The following PPP4R3A variants were observed in gnomAD, a reference collection of about 807,000 sequenced individuals.
PPP4R3A encodes serine/threonine-protein phosphatase 4 regulatory subunit 3A.
In PPP4R3A, 15 loss-of-function variants were observed where a neutral mutation model predicts 91.7. That is an observed-to-expected ratio of 0.16 (90% CI 0.11 to 0.25). The LOEUF (loss-of-function observed/expected upper bound fraction) is 0.25, where lower values mean the gene tolerates loss of function less well. PPP4R3A is among the 10% of genes least tolerant of loss of function. The probability of loss-of-function intolerance (pLI) is 1.00; values close to 1 mark genes in which losing one functional copy is unlikely to be tolerated. For synonymous variants in PPP4R3A, 377 were observed against 348.7 expected (o/e 1.08, Z -0.91); for missense variants, 623 against 998.4 (o/e 0.62, Z 5.07).
intron 1 of PPP4R3A, among the ~76,000 whole-genome samples, chr14:91,493,773 C>CTT (rs71120151): frequency 2.5e-5 from 3 of 119,842 alleles, no homozygotes; most frequent in Non-Finnish European, 5.2e-5. Flanking sequence ...ATCAATATTA[C>CTT]TTTTTTTTTT....
At chr14:91,506,021 C>T (rs1891271314) in intron 1 of PPP4R3A, among the ~76,000 whole-genome samples, 1 of 151,968 alleles carries the variant, frequency 6.6e-6, no homozygotes, top group African/African-American at 2.4e-5. Context: ...TCTTGGCTCA[C>T]TGCAAGCTCC....
At chr14:91,483,123 G>GT in intron 3 of PPP4R3A, among the ~76,000 whole-genome samples, 1 of 152,006 alleles carries the variant, frequency 6.6e-6, no homozygotes, top group Admixed American at 6.5e-5. Flanking sequence ...ATTTTTTTTG[G>GT]TAACAAAAGG....
chr14:91,462,824 C>T lies in PPP4R3A; in HGVS notation c.1884G>A (p.Leu628=). The change falls in exon 12 of 15, where the codon CTG becomes CTA. Residue 628 remains leucine, a synonymous_variant. Transcript: ENST00000554943. ...ATGTCTGTACATAATCTACATCTTC[C>T]AGTGCTTTCCAGTAATTTTCAATTA... ...AHVIENYWKA[L]EDVDYVQTFK... is the part of the protein sequence containing the mutation. 6.2e-7 allele frequency: 1 copy of T among 1,608,040 alleles called. No homozygotes were observed. The highest frequency in any genetic ancestry group is 8.5e-7 in the Non-Finnish European group (1 of 1,174,930).
intron 1 of PPP4R3A, among the ~76,000 whole-genome samples, chr14:91,505,201 C>G (rs1891214074): frequency 6.6e-6 from 1 of 152,012 alleles, no homozygotes; most frequent in Non-Finnish European, 1.5e-5. Flanking sequence ...GCCTGTAATC[C>G]CAGCACTTTG....
At chr14:91,490,013 C>G (rs890553547) in intron 2 of PPP4R3A, among the ~76,000 whole-genome samples, 1 of 149,300 alleles carries the variant, frequency 6.7e-6, no homozygotes, top group African/African-American at 2.5e-5. Context: ...TATGAACAAG[C>G]TGGTAATCTT....
At chr14:91,469,652 T>A (rs933145715) in intron 10 of PPP4R3A, among the ~76,000 whole-genome samples, 5 of 152,234 alleles carry the variant, frequency 3.3e-5, no homozygotes, top group Non-Finnish European at 5.9e-5. Flanking sequence ...CACCGCGATA[T>A]CTGCCTCCCA....
chr14:91,477,472 TAC>T (rs1422075164), intron 4 of PPP4R3A, among the ~76,000 whole-genome samples: 1 of 152,204 alleles, frequency 6.6e-6, no homozygotes, highest in Non-Finnish European at 1.5e-5. Context: ...GTTTTAAAGA[TAC>T]AGAGAATGAC....
In PPP4R3A at chr14:91,458,714, A is replaced by AACCAGTTTTTT. The variant is rs754134109; in HGVS notation, c.*34_*44dup. On this transcript the variant is annotated 3_prime_UTR_variant, in exon 15 of 15. Transcript: ENST00000554943. ...GATTTTGTATGGGGGAGGGGTGGAG[A>AACCAGTTTTTT]ACCAGTTTTTTTCAACAGGTACTGA... is the stretch of plus-strand genomic sequence containing the variant. 1.9e-6 allele frequency: 3 copies of AACCAGTTTTTT among 1,613,786 alleles called. No homozygotes were observed. In the South Asian group the frequency reaches 3.3e-5, roughly 18 times the overall value.
chr14:91,507,367 C>CTATATAGTATA (rs1491304044), intron 1 of PPP4R3A, among the ~76,000 whole-genome samples: 17 of 62,330 alleles, frequency 2.7e-4, no homozygotes, highest in Non-Finnish European at 4.6e-4. Context: ...AGTATATATA[C>CTATATAGTATA]TATAATTATA....
At chr14:91,461,341 A>G (rs1408891416) in intron 14 of PPP4R3A, 40 bp downstream of exon 14, 20 of 1,567,090 alleles carry the variant, frequency 1.3e-5, no homozygotes, top group Non-Finnish European at 1.8e-5. Flanking sequence ...GAAAGCTTCA[A>G]TTGGGAAAAA....
intron 7 of PPP4R3A, chr14:91,474,576 C>G (rs1595060758): frequency 6.6e-6 from 1 of 151,784 alleles, no homozygotes; most frequent in East Asian, 1.9e-4. Context: ...TTAATGGGAC[C>G]AACAATAGCC....
In PPP4R3A at chr14:91,458,073, C is replaced by G. The variant is rs1887875340; in HGVS notation, c.*686G>C. On this transcript the variant is annotated 3_prime_UTR_variant, in exon 15 of 15. Coordinates refer to ENST00000554943, the MANE Select transcript of PPP4R3A (RefSeq NM_001366432.2). ...TATACTCAACAACTAAGCATACACTCAGGGGAGGAAAAAAAAAATCAAAAA... is the reference window on the plus strand; with the variant it reads ...TATACTCAACAACTAAGCATACACTGAGGGGAGGAAAAAAAAAATCAAAAA... The G allele has an allele frequency of 6.6e-6, 1 of 152,218 alleles. No individual in the cohort carries two copies. Among genetic ancestry groups the G allele is most frequent in the Non-Finnish European group, 1.5e-5 (1 of 68,336 alleles). The allele number at this position is 152,218 out of a possible 1,614,324, so 9.4% of individuals were successfully genotyped here.
chr14:91,466,744 TCA>T (rs1888493511), intron 10 of PPP4R3A, among the ~76,000 whole-genome samples: 1 of 152,186 alleles, frequency 6.6e-6, no homozygotes, highest in African/African-American at 2.4e-5. Context: ...AACAATATTT[TCA>T]GTTTGTATTT....
At chr14:91,500,489 G>A (rs1038866549) in intron 1 of PPP4R3A, among the ~76,000 whole-genome samples, 2 of 152,032 alleles carry the variant, frequency 1.3e-5, no homozygotes, top group African/African-American at 2.4e-5. Context: ...CTGAGCCACC[G>A]CGCCTGGCCT....
intron 4 of PPP4R3A, among the ~76,000 whole-genome samples, chr14:91,479,398 C>T (rs1010006650): frequency 1.3e-5 from 2 of 151,668 alleles, no homozygotes; most frequent in African/African-American, 4.9e-5. Flanking sequence ...GATAGGGTCT[C>T]ACTCTGTTGC....
At chr14:91,470,547 G>A (rs927592925) in intron 10 of PPP4R3A, among the ~76,000 whole-genome samples, 10 of 152,118 alleles carry the variant, frequency 6.6e-5, no homozygotes, top group African/African-American at 2.4e-4. Flanking sequence ...GGCCTCAGCT[G>A]TAGTCTGTCA....
intron 7 of PPP4R3A, among the ~76,000 whole-genome samples, chr14:91,473,965 C>CT (rs957255823): frequency 8.6e-5 from 13 of 152,028 alleles, no homozygotes; most frequent in African/African-American, 3.1e-4. Context: ...GACGGGGTTT[C>CT]TCCATGATCG....
Position 91,510,017 on chromosome 14 carries a change from GCGC to G in PPP4R3A, c.-373_-371del. 9.7e-6 allele frequency: 9 copies of G among 930,182 alleles called. No homozygotes were observed. Among genetic ancestry groups the G allele is most frequent in the African/African-American group, 1.8e-5 (1 of 56,214 alleles). 57.6% of individuals were successfully genotyped at this position (930,182 alleles called of 1,614,324 possible). A position where few individuals can be genotyped will look rare whatever the true frequency, so the allele number is the denominator to read the frequency against. ...CATGATCTCCGCGAAGCAGCTTCCC[GCGC>G]CGCCGCCGCCTCCTCAGGCCGCCGC... is the stretch of plus-strand genomic sequence containing the variant. On this transcript the variant is annotated 5_prime_UTR_variant, in exon 1 of 15. Coordinates refer to ENST00000554943, the MANE Select transcript of PPP4R3A (RefSeq NM_001366432.2).
chr14:91,470,892 A>C lies in PPP4R3A; in HGVS notation c.1605T>G (p.Asp535Glu). The C allele has an allele frequency of 6.2e-7, 1 of 1,612,082 alleles. No homozygotes were observed. The highest frequency in any genetic ancestry group is 8.5e-7 in the Non-Finnish European group (1 of 1,179,644). ...TAAGAACTAGCACTCTCCGGAGGAT[A>C]TCCTTATTAATAATGTAGTTCTTTA... Reference protein sequence around the residue: ...YHIKNYIINKDILRRVLVLMA... With the variant: ...YHIKNYIINKEILRRVLVLMA... Residue 535 changes from aspartate (D) to glutamate (E), a missense_variant, in exon 10 of 15, where the codon GAT becomes GAG. By Grantham distance (45) the Asp-to-Glu change is conservative. Transcript: ENST00000554943.
Sources: allele counts gnomAD v4.1 joint callset (sites outside exome capture counted in the v4.1 genomes callset), GRCh38; gene constraint gnomAD v4.1.1; transcripts MANE v1.5; gene names NCBI Gene and HGNC (gene_info 2026-07-23, HGNC 2026-07-21).